Variants in POLR3F observed in about 807,000 individuals in gnomAD.
The protein encoded by POLR3F is RNA polymerase III subunit F.
A neutral mutation model predicts 43.6 loss-of-function variants in POLR3F; 31 were observed. The observed-to-expected ratio is 0.71, with a 90% CI of 0.53 to 0.96. POLR3F has a LOEUF of 0.96. Among genes scored for constraint, POLR3F ranks in the 40% least tolerant of loss-of-function variants. The pLI is 0.00. For synonymous variants in POLR3F, 114 were observed against 132.5 expected (o/e 0.86, Z 0.96); for missense variants, 316 against 391.7 (o/e 0.81, Z 1.63).
At chr20:18,481,874 C>A (rs6111983) in intron 8 of POLR3F, 64 bp downstream of exon 8, 52 of 1,032,988 alleles carry the variant, frequency 5.0e-5, no homozygotes, top group Non-Finnish European at 7.3e-5. Flanking sequence ...CATTAAGAAA[C>A]AGAGCAAGCA....
At position 18,483,653 on chromosome 20, in the gene POLR3F, C is replaced by A; in HGVS notation, c.*95C>A. ...ATGGAACACGAAATCTCCTTGAAAG[C>A]AAACTTCACAATAATGGACGTAGAC... is the stretch of plus-strand genomic sequence containing the variant. On this transcript the variant is annotated 3_prime_UTR_variant, in exon 9 of 9. Transcript: ENST00000377603. 1.8e-6 allele frequency: 1 copy of A among 541,152 alleles called. No homozygotes were observed. Among genetic ancestry groups the A allele is most frequent in the Non-Finnish European group, 3.3e-6 (1 of 303,862 alleles). 33.5% of individuals were successfully genotyped at this position (541,152 alleles called of 1,614,324 possible).
In POLR3F at chr20:18,467,485, A is replaced by G. The variant is rs368023195; in HGVS notation, c.-22A>G. The G allele has an allele frequency of 1.4e-5, 22 of 1,613,902 alleles. No homozygotes were observed. The highest frequency in any genetic ancestry group is 1.1e-4 in the African/African-American group (8 of 74,946). Reference sequence around the variant, plus strand: ...GGCTGCTCCGTGCATCTTTCCCCCCAGGCGTCAGGAACTGCGCCCTCATGG... The same window carrying G: ...GGCTGCTCCGTGCATCTTTCCCCCCGGGCGTCAGGAACTGCGCCCTCATGG... On this transcript the variant is annotated 5_prime_UTR_variant, in exon 1 of 9. Coordinates refer to ENST00000377603, the MANE Select transcript of POLR3F (RefSeq NM_006466.4).
chr20:18,467,406 C>A lies in POLR3F; in HGVS notation c.-101C>A, dbSNP rs540579720. The stretch of plus-strand genomic sequence containing the variant: ...CGACACGAGGAAGAAGGCCCCTCGG[C>A]CTCAGCAGAGCGCTATCCTCCACTG... On this transcript the variant is annotated 5_prime_UTR_variant, in exon 1 of 9. Coordinates refer to ENST00000377603, the MANE Select transcript of POLR3F (RefSeq NM_006466.4). 79 of 1,307,954 alleles carry A rather than the reference C, an allele frequency of 6.0e-5. No individual in the cohort carries two copies. In the South Asian group the frequency reaches 9.0e-4, roughly 15 times the overall value. 81.0% of individuals were successfully genotyped at this position (1,307,954 alleles called of 1,614,324 possible).
chr20:18,468,405 T>C (rs2059718275), intron 1 of POLR3F, among the ~76,000 whole-genome samples: 1 of 152,238 alleles, frequency 6.6e-6, no homozygotes, highest in Non-Finnish European at 1.5e-5. Flanking sequence ...GCACTGCCAC[T>C]CTTAGATTTT....
intron 8 of POLR3F, among the ~76,000 whole-genome samples, 173 bp downstream of exon 8, chr20:18,481,983 CTTTT>C (rs56160449): frequency 6.1e-4 from 45 of 74,324 alleles, no homozygotes; most frequent in African/African-American, 2.0e-3. Flanking sequence ...CATTCCTTTA[CTTTT>C]TTTTTTTTTT....
intron 2 of POLR3F, among the ~76,000 whole-genome samples, chr20:18,471,630 G>A (rs187561961): frequency 3.5e-4 from 53 of 152,326 alleles, no homozygotes; most frequent in African/African-American, 1.2e-3. Flanking sequence ...GGGAACAGGA[G>A]TGTGTCACTG....
intron 8 of POLR3F, 57 bp from the exon 9 acceptor site, chr20:18,483,424 G>C: frequency 1.3e-6 from 1 of 775,102 alleles, no homozygotes; most frequent in Non-Finnish European, 2.1e-6. Context: ...ATAAGTGGTT[G>C]GGTCTTAGAT....
chr20:18,476,823 A>G (rs2059783041), intron 5 of POLR3F, among the ~76,000 whole-genome samples: 1 of 152,104 alleles, frequency 6.6e-6, no homozygotes, highest in African/African-American at 2.4e-5. Context: ...CAATAAGAAA[A>G]CAACACTTTG....
At chr20:18,482,790 T>G (rs868019544) in intron 8 of POLR3F, among the ~76,000 whole-genome samples, 5 of 152,240 alleles carry the variant, frequency 3.3e-5, no homozygotes, top group Non-Finnish European at 5.9e-5. Context: ...AAGCTCTCTA[T>G]GCCTTGGTTT....
rs765142791 is a variant in POLR3F at position 18,472,920 on chromosome 20, GT to G, written c.248+18del. On this transcript the variant is annotated intron_variant, in intron 3 of 8. Coordinates refer to ENST00000377603, the MANE Select transcript of POLR3F (RefSeq NM_006466.4). ...CTCTCAGAATGCTGGGTAAGTACTT[GT>G]TTTTTTAATTTTAAGAAAATGTTTA... The G allele has an allele frequency of 9.5e-6, 12 of 1,263,572 alleles. No individual in the cohort carries two copies. The African/African-American group carries it at 1.0e-4, about 11-fold the overall frequency. 78.3% of individuals were successfully genotyped at this position (1,263,572 alleles called of 1,614,324 possible). A position where few individuals can be genotyped will look rare whatever the true frequency, so the allele number is the denominator to read the frequency against.
chr20:18,478,782 G>A (rs1421370716), intron 5 of POLR3F, among the ~76,000 whole-genome samples: 1 of 152,120 alleles, frequency 6.6e-6, no homozygotes, highest in East Asian at 1.9e-4. Context: ...ATGACATCCC[G>A]ATGGCAATGA....
At chr20:18,473,105 CAT>C (rs144917222) in intron 3 of POLR3F, 196 bp downstream of exon 3, 12,102 of 355,722 alleles carry the variant, frequency 0.034, 299 homozygotes, top group Non-Finnish European at 0.042. Flanking sequence ...TATAAATACA[CAT>C]AGATGATTAT....
chr20:18,473,636 C>T (rs2059765342), intron 4 of POLR3F, among the ~76,000 whole-genome samples, 178 bp downstream of exon 4: 1 of 151,974 alleles, frequency 6.6e-6, no homozygotes, highest in Admixed American at 6.6e-5. Flanking sequence ...GCCGTTGTTG[C>T]CTTGAAAGAG....
chr20:18,469,134 A>T (rs2059733045), intron 2 of POLR3F, 73 bp downstream of exon 2: 3 of 773,484 alleles, frequency 3.9e-6, no homozygotes, highest in Non-Finnish European at 7.1e-6. Flanking sequence ...TGTAGTTGTG[A>T]TGGTTAATTT....
At chr20:18,472,575 A>AT (rs1298177883) in intron 2 of POLR3F, among the ~76,000 whole-genome samples, 1 of 151,578 alleles carries the variant, frequency 6.6e-6, no homozygotes, top group African/African-American at 2.4e-5. Flanking sequence ...TTATATTTTT[A>AT]TTTTATATAT....
intron 8 of POLR3F, among the ~76,000 whole-genome samples, chr20:18,482,075 A>T (rs6111984): frequency 6.7e-6 from 1 of 148,818 alleles, no homozygotes; most frequent in Admixed American, 6.8e-5. Context: ...GCAACCTCCA[A>T]CTCCCGGGTT....
intron 2 of POLR3F, among the ~76,000 whole-genome samples, chr20:18,469,955 C>T (rs2059739341): frequency 6.6e-6 from 1 of 152,146 alleles, no homozygotes; most frequent in Non-Finnish European, 1.5e-5. Context: ...AAGAATGAGT[C>T]CAGTTGAATG....
At chr20:18,481,445 G>T (rs1246070750) in intron 7 of POLR3F, among the ~76,000 whole-genome samples, 174 bp from the exon 8 acceptor site, 1 of 152,024 alleles carries the variant, frequency 6.6e-6, no homozygotes, top group Non-Finnish European at 1.5e-5. Context: ...TGCCATGTTG[G>T]CCAGGCTGGT....
At chr20:18,467,785 A>T in intron 1 of POLR3F, 4 of 947,538 alleles carry the variant, frequency 4.2e-6, no homozygotes, top group Non-Finnish European at 6.1e-6. Flanking sequence ...AACTTTGTGT[A>T]GCTGGCTGGC....
Sources: gnomAD v4.1 joint callset for allele counts (sites outside exome capture counted in the v4.1 genomes callset) on GRCh38, gnomAD v4.1.1 for gene constraint, MANE v1.5 for transcripts, NCBI Gene and HGNC (gene_info 2026-07-23, HGNC 2026-07-21) for gene names.